RBPMS: variants seen among roughly 807,000 people sequenced by gnomAD.
The protein encoded by RBPMS is RNA-binding protein with multiple splicing.
A neutral mutation model predicts 26.8 loss-of-function variants in RBPMS; 7 were observed. That is an observed-to-expected ratio of 0.26 (90% CI 0.15 to 0.49). RBPMS has a LOEUF of 0.49. RBPMS is among the 20% of genes least tolerant of loss of function. The pLI, the probability that RBPMS is intolerant of heterozygous loss-of-function variation, is 0.98. For missense variants in RBPMS, 186 were observed against 250.0 expected, an observed-to-expected ratio of 0.74 and a Z score of 1.73; for synonymous variants, 96 against 93.3, an observed-to-expected ratio of 1.03 and a Z score of -0.17.
At chr8:30,413,958 T>C (rs1038530664) in intron 1 of RBPMS, among the ~76,000 whole-genome samples, 6 of 152,292 alleles carry the variant, frequency 3.9e-5, no homozygotes, top group South Asian at 2.1e-4. Flanking sequence ...TCCAGGCTGG[T>C]CTTGAACTCC....
At chr8:30,459,995 C>A (rs112237967) in intron 1 of RBPMS, among the ~76,000 whole-genome samples, 2,720 of 152,272 alleles carry the variant, frequency 0.018, 67 homozygotes, top group African/African-American at 0.061. Flanking sequence ...CATAGTTACA[C>A]ATGCATATAA....
chr8:30,447,838 C>T (rs949539554), intron 1 of RBPMS, among the ~76,000 whole-genome samples: 5 of 151,812 alleles, frequency 3.3e-5, no homozygotes, highest in African/African-American at 9.7e-5. Context: ...AAAAATGATA[C>T]GTAGTAATTT....
intron 5 of RBPMS, among the ~76,000 whole-genome samples, chr8:30,504,834 T>C (rs1212401603): frequency 6.6e-6 from 1 of 152,026 alleles, no homozygotes. Flanking sequence ...TTTGGAAAAA[T>C]AGGATATTAA....
chr8:30,504,362 A>G lies in RBPMS; in HGVS notation c.323A>G (p.Asn108Ser). The G allele has an allele frequency of 1.2e-6, 2 of 1,614,204 alleles. No homozygotes were observed. Among genetic ancestry groups the G allele is most frequent in the Admixed American group, 3.3e-5 (2 of 60,028 alleles). ...FAKANTKMAKNKLVGTPNPST... is the reference protein window; with the variant it reads ...FAKANTKMAKSKLVGTPNPST... Reference sequence around the variant, plus strand: ...AAGGCAAACACGAAGATGGCCAAGAACAAACTCGTAGGGACTCCAAACCCC... The same window carrying G: ...AAGGCAAACACGAAGATGGCCAAGAGCAAACTCGTAGGGACTCCAAACCCC... Residue 108 changes from asparagine (N) to serine (S), a missense_variant, in exon 5 of 9, where the codon AAC becomes AGC. Physicochemically the swap from Asn to Ser is conservative, Grantham distance 46. Coordinates refer to ENST00000397323, the MANE Select transcript of RBPMS (RefSeq NM_001008710.3).
intron 1 of RBPMS, among the ~76,000 whole-genome samples, chr8:30,424,237 T>C (rs527614275): frequency 6.6e-6 from 1 of 152,340 alleles, no homozygotes; most frequent in East Asian, 1.9e-4. Flanking sequence ...TTATTAGCTG[T>C]GCTATCTTGG....
intron 1 of RBPMS, among the ~76,000 whole-genome samples, chr8:30,462,892 G>A (rs544434939): frequency 3.9e-5 from 6 of 152,152 alleles, no homozygotes; most frequent in East Asian, 3.9e-4. Flanking sequence ...ATTTGCCCGC[G>A]GCCTTTTACA....
chr8:30,479,177 G>A (rs1292792847), intron 3 of RBPMS, 138 bp from the exon 4 acceptor site: 4 of 656,680 alleles, frequency 6.1e-6, no homozygotes, highest in African/African-American at 3.7e-5. Context: ...ATGATTCTTC[G>A]GGACTTCGCT....
intron 1 of RBPMS, among the ~76,000 whole-genome samples, chr8:30,409,917 C>T (rs931242912): frequency 6.6e-6 from 1 of 152,282 alleles, no homozygotes; most frequent in Non-Finnish European, 1.5e-5. Context: ...AGGCGTGAGC[C>T]ACCGCACCCA....
At chr8:30,446,368 T>C (rs1813769660) in intron 1 of RBPMS, among the ~76,000 whole-genome samples, 2 of 152,206 alleles carry the variant, frequency 1.3e-5, no homozygotes, top group South Asian at 4.1e-4. Context: ...GTTTCAAACT[T>C]GACACTCAAA....
chr8:30,544,893 C>A lies in RBPMS; in HGVS notation c.528+269C>A, dbSNP rs997253633. On this transcript the variant is annotated intron_variant, in intron 6 of 8. Coordinates refer to ENST00000397323, the MANE Select transcript of RBPMS (RefSeq NM_001008710.3). ...TCACCTCATATCGCACATGAGAGAC[C>A]GGGGCAGGTTTATCCACCTGGCTCC... 2.0e-6 allele frequency: 3 copies of A among 1,489,024 alleles called. No homozygotes were observed. The East Asian group carries it at 7.4e-5, about 37-fold the overall frequency. The allele number at this position is 1,489,024 out of a possible 1,614,324, so 92.2% of individuals were successfully genotyped here.
chr8:30,478,497 T>C (rs1467726287), intron 3 of RBPMS, among the ~76,000 whole-genome samples: 1 of 148,136 alleles, frequency 6.8e-6, no homozygotes, highest in Non-Finnish European at 1.5e-5. Context: ...TAATTAAGAA[T>C]ATGATTTTTT....
At chr8:30,521,331 G>T (rs1822996721) in intron 5 of RBPMS, among the ~76,000 whole-genome samples, 1 of 152,160 alleles carries the variant, frequency 6.6e-6, no homozygotes, top group South Asian at 2.1e-4. Context: ...TGAATATTTA[G>T]TGGCTTTCTA....
At chr8:30,439,273 A>C (rs1050226260) in intron 1 of RBPMS, among the ~76,000 whole-genome samples, 12 of 152,320 alleles carry the variant, frequency 7.9e-5, no homozygotes, top group Admixed American at 6.5e-4. Flanking sequence ...TTTAAAAGCA[A>C]ACCTCTTTAA....
chr8:30,457,778 A>G (rs1815401297), intron 1 of RBPMS, among the ~76,000 whole-genome samples: 1 of 151,930 alleles, frequency 6.6e-6, no homozygotes, highest in Non-Finnish European at 1.5e-5. Flanking sequence ...GGGTTTCACC[A>G]TTTTGGTCAG....
intron 6 of RBPMS, among the ~76,000 whole-genome samples, chr8:30,552,156 T>G (rs936919219): frequency 1.3e-5 from 2 of 152,132 alleles, no homozygotes; most frequent in African/African-American, 2.4e-5. Flanking sequence ...GGTCCGTGGC[T>G]GTGGCGTATA....
At chr8:30,426,395 G>T (rs759058501) in intron 1 of RBPMS, among the ~76,000 whole-genome samples, 8 of 152,142 alleles carry the variant, frequency 5.3e-5, no homozygotes, top group Admixed American at 2.6e-4. Context: ...CCAGCTTCCT[G>T]CATTTTCCTA....
intron 1 of RBPMS, among the ~76,000 whole-genome samples, chr8:30,456,234 G>A (rs545495068): frequency 2.2e-4 from 33 of 152,230 alleles, no homozygotes; most frequent in East Asian, 5.8e-4. Context: ...AAATAAAATC[G>A]AAAATTTCTG....
chr8:30,511,048 A>G (rs2150954166), intron 5 of RBPMS, among the ~76,000 whole-genome samples: 1 of 152,154 alleles, frequency 6.6e-6, no homozygotes, highest in Non-Finnish European at 1.5e-5. Context: ...GTGGTGGCTC[A>G]CACCTGTAAT....
intron 4 of RBPMS, among the ~76,000 whole-genome samples, chr8:30,485,605 G>T (rs144966210): frequency 6.6e-6 from 1 of 152,228 alleles, no homozygotes; most frequent in African/African-American, 2.4e-5. Context: ...GTATAAAGCC[G>T]CTGTGATGTG....
Sources: gnomAD v4.1 joint callset for allele counts (sites outside exome capture counted in the v4.1 genomes callset) on GRCh38, gnomAD v4.1.1 for gene constraint, MANE v1.5 for transcripts, NCBI Gene and HGNC (gene_info 2026-07-23, HGNC 2026-07-21) for gene names.